GREM2: variants seen among roughly 807,000 people sequenced by gnomAD.
GREM2 encodes the protein gremlin-2.
A neutral mutation model predicts 14.2 loss-of-function variants in GREM2; 11 were observed. The observed-to-expected ratio is 0.78, with a 90% confidence interval of 0.49 to 1.28. The LOEUF (loss-of-function observed/expected upper bound fraction) is 1.28. Ranked by LOEUF, GREM2 falls within the 50% of genes most tolerant of loss-of-function variation. The pLI, the probability that GREM2 is intolerant of heterozygous loss-of-function variation, is 0.00. For synonymous variants in GREM2, 98 were observed against 97.6 expected (o/e 1.00, Z -0.02); for missense variants, 210 against 218.5 (o/e 0.96, Z 0.24).
At chr1:240,582,421 G>A (rs1213742552) in intron 1 of GREM2, among the ~76,000 whole-genome samples, 1 of 152,202 alleles carries the variant, frequency 6.6e-6, no homozygotes, top group East Asian at 1.9e-4. Flanking sequence ...GGCAACAAGA[G>A]TGAAACTCCA....
intron 1 of GREM2, among the ~76,000 whole-genome samples, chr1:240,511,335 A>G (rs1677821223): frequency 6.6e-6 from 1 of 152,240 alleles, no homozygotes; most frequent in Non-Finnish European, 1.5e-5. Context: ...CAGTATAACA[A>G]CTATTTACAT....
At chr1:240,560,800 C>T (rs111510010) in intron 1 of GREM2, among the ~76,000 whole-genome samples, 2,272 of 152,198 alleles carry the variant, frequency 0.015, 56 homozygotes, top group African/African-American at 0.052. Context: ...TGTCTCTAGC[C>T]GTACCTTCTC....
At chr1:240,599,282 A>G (rs1279686776) in intron 1 of GREM2, among the ~76,000 whole-genome samples, 1 of 151,848 alleles carries the variant, frequency 6.6e-6, no homozygotes, top group South Asian at 2.1e-4. Flanking sequence ...AAAAAAAAAA[A>G]ATACAACAAC....
chr1:240,533,493 A>G (rs1258865203), intron 1 of GREM2, among the ~76,000 whole-genome samples: 1 of 152,184 alleles, frequency 6.6e-6, no homozygotes, highest in Non-Finnish European at 1.5e-5. Context: ...GAAACGAGGG[A>G]GTCCTTTGAG....
chr1:240,524,939 AGG>A (rs1373920735), intron 1 of GREM2, among the ~76,000 whole-genome samples: 1 of 152,148 alleles, frequency 6.6e-6, no homozygotes, highest in Non-Finnish European at 1.5e-5. Flanking sequence ...GGGGTCAGGC[AGG>A]CCTAGTTCTC....
chr1:240,512,846 A>G (rs1287033935), intron 1 of GREM2, among the ~76,000 whole-genome samples: 1 of 152,134 alleles, frequency 6.6e-6, no homozygotes, highest in African/African-American at 2.4e-5. Context: ...CTATAATCCC[A>G]ATTCCTGTTC....
At chr1:240,609,664 A>C (rs1472986584) in intron 1 of GREM2, among the ~76,000 whole-genome samples, 1 of 152,108 alleles carries the variant, frequency 6.6e-6, no homozygotes, top group Non-Finnish European at 1.5e-5. Flanking sequence ...GGCACGTTGC[A>C]CAGGGGCAAT....
At chr1:240,515,629 AC>A (rs1327917350) in intron 1 of GREM2, among the ~76,000 whole-genome samples, 1 of 152,210 alleles carries the variant, frequency 6.6e-6, no homozygotes, top group Non-Finnish European at 1.5e-5. Context: ...TAACCCAAGT[AC>A]TAGCACTTAA....
chr1:240,551,847 C>G lies in GREM2; in HGVS notation c.-1-58371G>C, dbSNP rs73113757. On this transcript the variant is annotated intron_variant, in intron 1 of 1. Transcript: ENST00000318160. Reference sequence around the variant, plus strand: ...AATTAATGGAGAAGGGAGGAGGAACCTCAGAAAGTCATAGTTTCTTCAAGA... The same window carrying G: ...AATTAATGGAGAAGGGAGGAGGAACGTCAGAAAGTCATAGTTTCTTCAAGA... 3.4e-3 allele frequency among the ~76,000 whole-genome samples: 511 copies of G among 152,158 alleles called. 1 individual carries two copies. Among genetic ancestry groups the G allele is most frequent in the African/African-American group, 0.012 (483 of 41,516 alleles).
At chr1:240,534,948 G>A (rs1026055888) in intron 1 of GREM2, among the ~76,000 whole-genome samples, 2 of 152,118 alleles carry the variant, frequency 1.3e-5, no homozygotes, top group East Asian at 1.9e-4. Flanking sequence ...AGCAGGACGA[G>A]TGGGTCTGGA....
intron 1 of GREM2, among the ~76,000 whole-genome samples, chr1:240,532,937 G>A (rs1678396832): frequency 6.6e-6 from 1 of 152,158 alleles, no homozygotes. Context: ...AGTCATTTAA[G>A]TTTTCTGAGC....
At chr1:240,563,030 ATGAG>A (rs897611623) in intron 1 of GREM2, among the ~76,000 whole-genome samples, 13 of 137,166 alleles carry the variant, frequency 9.5e-5, no homozygotes, top group African/African-American at 3.6e-4. Context: ...ATGTGTGTAT[ATGAG>A]TGTGTATGTG....
chr1:240,533,683 C>G (rs1324786601), intron 1 of GREM2, among the ~76,000 whole-genome samples: 2 of 152,068 alleles, frequency 1.3e-5, no homozygotes, highest in Non-Finnish European at 2.9e-5. Flanking sequence ...GATAGAGGAG[C>G]AGTTGGATCT....
At chr1:240,576,130 G>T (rs1224497561) in intron 1 of GREM2, among the ~76,000 whole-genome samples, 2 of 152,110 alleles carry the variant, frequency 1.3e-5, no homozygotes, top group Non-Finnish European at 2.9e-5. Context: ...TTCTCTGGAG[G>T]ATACAGGCAA....
intron 1 of GREM2, among the ~76,000 whole-genome samples, chr1:240,605,407 G>A (rs1186613607): frequency 1.3e-5 from 2 of 152,074 alleles, no homozygotes; most frequent in African/African-American, 2.4e-5. Flanking sequence ...AACGTGAGAG[G>A]TTGAGGCTGC....
In GREM2 at chr1:240,611,975, G is replaced by A. The variant is rs531125707; in HGVS notation, c.-93C>T. ...CCTTCTCTGAGTTCTCTAGTCCACA[G>A]CGGGGTCTAAGTTTGGTCTCCCGCC... On this transcript the variant is annotated 5_prime_UTR_variant, in exon 1 of 2. Coordinates refer to ENST00000318160, the MANE Select transcript of GREM2 (RefSeq NM_022469.4). The A allele has an allele frequency of 2.6e-5, 4 of 152,910 alleles. No individual in the cohort carries two copies. In the South Asian group the frequency reaches 6.2e-4, roughly 24 times the overall value. 9.5% of individuals were successfully genotyped at this position (152,910 alleles called of 1,614,324 possible).
chr1:240,522,025 T>G (rs530366445), intron 1 of GREM2, among the ~76,000 whole-genome samples: 97 of 148,478 alleles, frequency 6.5e-4, no homozygotes, highest in African/African-American at 2.3e-3. Context: ...GAGGCTGATG[T>G]AGGAGGATTG....
At chr1:240,603,268 T>A (rs1235264979) in intron 1 of GREM2, among the ~76,000 whole-genome samples, 1 of 152,152 alleles carries the variant, frequency 6.6e-6, no homozygotes, top group Non-Finnish European at 1.5e-5. Context: ...ACCATCCAGT[T>A]TCAAATACAA....
At chr1:240,604,156 G>A (rs1010261111) in intron 1 of GREM2, among the ~76,000 whole-genome samples, 4 of 151,880 alleles carry the variant, frequency 2.6e-5, no homozygotes, top group Non-Finnish European at 4.4e-5. Context: ...ACTCATTACC[G>A]TGGGGAGGGC....
Sources: gnomAD v4.1 joint callset for allele counts (sites outside exome capture counted in the v4.1 genomes callset) on GRCh38, gnomAD v4.1.1 for gene constraint, MANE v1.5 for transcripts, NCBI Gene and HGNC (gene_info 2026-07-23, HGNC 2026-07-21) for gene names.